OR9Q1: variants seen among roughly 807,000 people sequenced by gnomAD.
OR9Q1 encodes olfactory receptor family 9 subfamily Q member 1.
For missense variants in OR9Q1, 374 were observed against 378.8 expected, an observed-to-expected ratio of 0.99 and a Z score of 0.11; for synonymous variants, 153 against 148.6, an observed-to-expected ratio of 1.03 and a Z score of -0.22.
chr11:58,086,910 A>T lies in OR9Q1; in HGVS notation c.-15+30963A>T, dbSNP rs1331386272. Among the ~76,000 whole-genome samples, 3 of 151,802 alleles carry T rather than the reference A, an allele frequency of 2.0e-5. No individual in the cohort carries two copies. In the East Asian group the frequency reaches 5.8e-4, roughly 29 times the overall value. ...AGAGTACAAAATTTCAGTTAGGAGG[A>T]ATAAGATTTAGTGACCTATTGCACA... On this transcript the variant is annotated intron_variant, in intron 2 of 2. Coordinates refer to ENST00000335397, the MANE Select transcript of OR9Q1 (RefSeq NM_001005212.4).
chr11:58,125,629 G>C (rs964991797), intron 2 of OR9Q1: 3 of 152,186 alleles, frequency 2.0e-5, no homozygotes, highest in Admixed American at 2.0e-4. Flanking sequence ...GGGATGCAGT[G>C]ATCTCAGTGG....
intron 2 of OR9Q1, among the ~76,000 whole-genome samples, chr11:58,093,759 C>CAA (rs71061572): frequency 0.024 from 815 of 34,564 alleles, 31 homozygotes; most frequent in Middle Eastern, 0.054. Context: ...GACTTCATCT[C>CAA]AAAAAAAAAA....
In OR9Q1 at chr11:58,155,180, A is replaced by G. The variant is rs79728392; in HGVS notation, c.-14-24251A>G. Among the ~76,000 whole-genome samples the G allele has an allele frequency of 9.0e-3, 1,369 of 151,978 alleles. 10 individuals are homozygous for G. The highest frequency in any genetic ancestry group is 0.031 in the Middle Eastern group (9 of 294). Reference sequence around the variant, plus strand: ...GTGTTGTAGTTCTCAGTCTTAAGTTATGTAGAGGAAGAATTCATTATTTTT... The same window carrying G: ...GTGTTGTAGTTCTCAGTCTTAAGTTGTGTAGAGGAAGAATTCATTATTTTT... On this transcript the variant is annotated intron_variant, in intron 2 of 2. Transcript: ENST00000335397.
At chr11:58,067,724 C>T (rs1853443230) in intron 2 of OR9Q1, among the ~76,000 whole-genome samples, 1 of 152,198 alleles carries the variant, frequency 6.6e-6, no homozygotes, top group African/African-American at 2.4e-5. Context: ...TGCTCTTTCT[C>T]ATTTTACAAG....
chr11:58,059,686 T>TAAA (rs1252963724), intron 2 of OR9Q1, among the ~76,000 whole-genome samples: 1 of 15,460 alleles, frequency 6.5e-5, no homozygotes, highest in East Asian at 8.5e-3. Flanking sequence ...AGGCTCTGTC[T>TAAA]CAAAAAAAAA....
In OR9Q1 at chr11:58,083,362, A is replaced by T. The variant is rs1208694165; in HGVS notation, c.-15+27415A>T. Among the ~76,000 whole-genome samples the T allele has an allele frequency of 4.0e-5, 6 of 151,774 alleles. No homozygotes were observed. In the Admixed American group the frequency reaches 4.0e-4, roughly 10 times the overall value. On this transcript the variant is annotated intron_variant, in intron 2 of 2. Coordinates refer to ENST00000335397, the MANE Select transcript of OR9Q1 (RefSeq NM_001005212.4). ...TTTCTGTTCCTTATAAATTCTAAATATTAGCCCTTTGTCGATGTATATTTG... is the reference window on the plus strand; with the variant it reads ...TTTCTGTTCCTTATAAATTCTAAATTTTAGCCCTTTGTCGATGTATATTTG...
At chr11:58,046,873 G>A (rs916858917) in intron 1 of OR9Q1, among the ~76,000 whole-genome samples, 24 of 150,408 alleles carry the variant, frequency 1.6e-4, no homozygotes, top group East Asian at 2.0e-4. Flanking sequence ...TAAAAAAAAA[G>A]AAAAAAAAAG....
intron 2 of OR9Q1, among the ~76,000 whole-genome samples, chr11:58,153,278 A>G (rs1201511056): frequency 6.6e-6 from 1 of 152,166 alleles, no homozygotes; most frequent in Non-Finnish European, 1.5e-5. Flanking sequence ...TGTTAAGGAG[A>G]TGGATGCCTT....
Position 58,180,286 on chromosome 11 carries a change from TC to T in OR9Q1, c.846del (p.Met283CysfsTer2). 1 of 1,613,890 alleles carries T rather than the reference TC, an allele frequency of 6.2e-7. No homozygotes were observed. The highest frequency in any genetic ancestry group is 2.2e-5 in the East Asian group (1 of 44,884). On this transcript the variant is annotated frameshift_variant, in exon 3 of 3. Coordinates refer to ENST00000335397, the MANE Select transcript of OR9Q1 (RefSeq NM_001005212.4). LOFTEE classifies it high-confidence loss of function. ...RVVSVLYTEVIPMLNPLIYSL... is the reference protein window; with the variant it reads ...RVVSVLYTEVXPMLNPLIYSL... ...GTGTCTGTGCTTTACACAGAGGTCA[TC>T]CCCATGTTGAATCCCCTCATCTACA...
intron 2 of OR9Q1, among the ~76,000 whole-genome samples, chr11:58,153,359 GT>G (rs1318180288): frequency 6.6e-6 from 1 of 152,158 alleles, no homozygotes; most frequent in African/African-American, 2.4e-5. Flanking sequence ...TTTGGAGTTG[GT>G]GAGTTCCCTT....
chr11:58,071,961 C>G (rs1341818944), intron 2 of OR9Q1, among the ~76,000 whole-genome samples: 1 of 152,156 alleles, frequency 6.6e-6, no homozygotes, highest in Non-Finnish European at 1.5e-5. Context: ...CTATTGGGTA[C>G]TGGGTCTAAT....
At chr11:58,170,978 T>A (rs1282976366) in intron 2 of OR9Q1, 1 of 152,224 alleles carries the variant, frequency 6.6e-6, no homozygotes, top group African/African-American at 2.4e-5. Context: ...ATGTGACAAG[T>A]AATCACTGCT....
In OR9Q1 at chr11:58,143,966, A is replaced by G. The variant is rs116534675; in HGVS notation, c.-14-35465A>G. Among the ~76,000 whole-genome samples, 1,424 of 152,234 alleles carry G rather than the reference A, an allele frequency of 9.4e-3. 18 individuals carry two copies. The highest frequency in any genetic ancestry group is 0.032 in the African/African-American group (1,349 of 41,532). On this transcript the variant is annotated intron_variant, in intron 2 of 2. Coordinates refer to ENST00000335397, the MANE Select transcript of OR9Q1 (RefSeq NM_001005212.4). ...GTAAAGTGCTTTACAAATCTAAAAG[A>G]TTATTATAATTAGTGAGCAGTGATC...
chr11:58,060,434 T>C (rs1853369199), intron 2 of OR9Q1, among the ~76,000 whole-genome samples: 1 of 152,148 alleles, frequency 6.6e-6, no homozygotes, highest in Non-Finnish European at 1.5e-5. Context: ...ATAAAAATCT[T>C]AGGTGAGTCC....
chr11:58,131,285 G>A (rs1448655712), intron 2 of OR9Q1, among the ~76,000 whole-genome samples: 3 of 152,184 alleles, frequency 2.0e-5, no homozygotes, highest in Non-Finnish European at 2.9e-5. Context: ...GGACTGAAGG[G>A]TCTTCCTGGT....
At chr11:58,064,079 C>T (rs149094068) in intron 2 of OR9Q1, among the ~76,000 whole-genome samples, 85 of 152,194 alleles carry the variant, frequency 5.6e-4, no homozygotes, top group South Asian at 1.0e-3. Context: ...TTTAAGACAT[C>T]GATAGGACAA....
chr11:58,093,142 T>C (rs1853699714), intron 2 of OR9Q1, among the ~76,000 whole-genome samples: 1 of 152,204 alleles, frequency 6.6e-6, no homozygotes. Context: ...CACTTCAAAA[T>C]TATGCATACC....
chr11:58,132,675 G>T (rs1854153160), intron 2 of OR9Q1, among the ~76,000 whole-genome samples: 1 of 152,202 alleles, frequency 6.6e-6, no homozygotes, highest in Non-Finnish European at 1.5e-5. Flanking sequence ...ACTCCTCAAA[G>T]AGCAGAACAC....
At chr11:58,108,790 CT>C (rs1476550127) in intron 2 of OR9Q1, 2 of 243,340 alleles carry the variant, frequency 8.2e-6, no homozygotes, top group African/African-American at 4.5e-5. Flanking sequence ...GTTCCTCAGA[CT>C]GTAGATCAAG....
Sources: gnomAD v4.1 joint callset for allele counts (sites outside exome capture counted in the v4.1 genomes callset) on GRCh38, gnomAD v4.1.1 for gene constraint, MANE v1.5 for transcripts, NCBI Gene and HGNC (gene_info 2026-07-23, HGNC 2026-07-21) for gene names.